Variants in CMC1 observed in about 807,000 individuals in gnomAD.
CMC1 encodes the protein COX assembly mitochondrial protein homolog.
A neutral mutation model predicts 14.1 loss-of-function variants in CMC1; 14 were observed. The ratio of observed to expected loss-of-function variants is 0.99; its 90% CI spans 0.66 to 1.55. The LOEUF (loss-of-function observed/expected upper bound fraction) is 1.55. Ranked by LOEUF, CMC1 falls within the 40% of genes most tolerant of loss-of-function variation. CMC1 has a pLI of 0.00. For synonymous variants in CMC1, 50 were observed against 38.4 expected (o/e 1.30, Z -1.12); for missense variants, 127 against 123.8 (o/e 1.03, Z -0.12).
chr3:28,311,279 A>AT (rs1702627715), intron 2 of CMC1, among the ~76,000 whole-genome samples: 1 of 152,124 alleles, frequency 6.6e-6, no homozygotes, highest in Admixed American at 6.5e-5. Flanking sequence ...CCAGTCTGGA[A>AT]TTAAGTTATA....
intron 2 of CMC1, among the ~76,000 whole-genome samples, chr3:28,298,970 T>G (rs1385286801): frequency 1.3e-5 from 2 of 152,084 alleles, no homozygotes; most frequent in Non-Finnish European, 2.9e-5. Flanking sequence ...TATCTGTGCC[T>G]GAAACAAGCC....
chr3:28,265,310 A>G lies in CMC1; in HGVS notation c.109+1930A>G, dbSNP rs188381096. Among the ~76,000 whole-genome samples the G allele has an allele frequency of 9.9e-4, 150 of 152,254 alleles. 1 individual carries two copies. The highest frequency in any genetic ancestry group is 6.9e-3 in the Middle Eastern group (2 of 290). On this transcript the variant is annotated intron_variant, in intron 2 of 3. Transcript: ENST00000466830. ...TAGAATCTAAAATTGATAAGAGAATAAGAAGTCTTTAGTATTTTCTAACCA... is the reference window on the plus strand; with the variant it reads ...TAGAATCTAAAATTGATAAGAGAATGAGAAGTCTTTAGTATTTTCTAACCA...
At chr3:28,290,189 T>C (rs1286461554) in intron 2 of CMC1, among the ~76,000 whole-genome samples, 4 of 152,184 alleles carry the variant, frequency 2.6e-5, no homozygotes, top group Admixed American at 6.5e-5. Context: ...ATAATACTTA[T>C]ATTCTTGTCT....
rs546549882 is a variant in CMC1 at position 28,323,120 on chromosome 3, T to C, written c.*3491T>C. ...TAAATCACTTTCTCAATAAATAGAA[T>C]ATTACATTTCAACACAAAGTCTAAC... is the stretch of plus-strand genomic sequence containing the variant. On this transcript the variant is annotated 3_prime_UTR_variant, in exon 4 of 4. Coordinates refer to ENST00000466830, the MANE Select transcript of CMC1 (RefSeq NM_182523.2). 20 of 151,228 alleles carry C rather than the reference T, an allele frequency of 1.3e-4. No individual in the cohort carries two copies. The highest frequency in any genetic ancestry group is 4.8e-4 in the African/African-American group (20 of 41,412). 9.4% of individuals were successfully genotyped at this position (151,228 alleles called of 1,614,324 possible).
intron 2 of CMC1, among the ~76,000 whole-genome samples, chr3:28,279,336 C>T (rs1382428706): frequency 6.6e-6 from 1 of 152,066 alleles, no homozygotes; most frequent in Non-Finnish European, 1.5e-5. Context: ...ATTAAATTGC[C>T]TGCTTAAATG....
At chr3:28,272,149 T>C (rs1022857489) in intron 2 of CMC1, among the ~76,000 whole-genome samples, 2 of 152,308 alleles carry the variant, frequency 1.3e-5, no homozygotes, top group Non-Finnish European at 2.9e-5. Context: ...TTTCTAGATA[T>C]AGGATCATGT....
rs1177112837 is a variant in CMC1 at position 28,324,331 on chromosome 3, T to A, written c.*4702T>A. 1 of 1,604,764 alleles carries A rather than the reference T, an allele frequency of 6.2e-7. No homozygotes were observed. On this transcript the variant is annotated 3_prime_UTR_variant, in exon 4 of 4. Coordinates refer to ENST00000466830, the MANE Select transcript of CMC1 (RefSeq NM_182523.2). ...TCCTGGTAAAGGGGAAGATGTGGTATGACAAAGAGCTTTGCCATTTGGTAA... is the reference window on the plus strand; with the variant it reads ...TCCTGGTAAAGGGGAAGATGTGGTAAGACAAAGAGCTTTGCCATTTGGTAA...
chr3:28,288,994 C>T (rs1286878943), intron 2 of CMC1, among the ~76,000 whole-genome samples: 2 of 151,488 alleles, frequency 1.3e-5, no homozygotes, highest in Non-Finnish European at 1.5e-5. Flanking sequence ...AAGACCATCT[C>T]AGAGGTTTAA....
At chr3:28,259,472 C>G (rs185739105) in intron 1 of CMC1, among the ~76,000 whole-genome samples, 1 of 152,132 alleles carries the variant, frequency 6.6e-6, no homozygotes, top group East Asian at 1.9e-4. Flanking sequence ...GGGACAGGCT[C>G]CTATAATTAA....
At chr3:28,261,787 A>C (rs955743000) in intron 1 of CMC1, among the ~76,000 whole-genome samples, 6 of 152,164 alleles carry the variant, frequency 3.9e-5, no homozygotes, top group Non-Finnish European at 8.8e-5. Flanking sequence ...TGCATTCTCA[A>C]GTCCCACCAT....
At chr3:28,273,963 A>C (rs543252038) in intron 2 of CMC1, among the ~76,000 whole-genome samples, 1 of 151,956 alleles carries the variant, frequency 6.6e-6, no homozygotes, top group African/African-American at 2.4e-5. Flanking sequence ...CCATTCCTCT[A>C]TTTTGAGCCT....
At chr3:28,286,024 C>T (rs952822590) in intron 2 of CMC1, among the ~76,000 whole-genome samples, 1 of 152,120 alleles carries the variant, frequency 6.6e-6, no homozygotes, top group Non-Finnish European at 1.5e-5. Context: ...CTCGGCCTCC[C>T]AAAGTGCTGG....
At chr3:28,296,284 T>C (rs1052019333) in intron 2 of CMC1, among the ~76,000 whole-genome samples, 6 of 152,200 alleles carry the variant, frequency 3.9e-5, no homozygotes, top group African/African-American at 1.4e-4. Context: ...ACCAGATGAC[T>C]TAGGAAATAA....
intron 2 of CMC1, among the ~76,000 whole-genome samples, chr3:28,268,539 G>A (rs1700120523): frequency 6.6e-6 from 1 of 152,156 alleles, no homozygotes; most frequent in Admixed American, 6.5e-5. Flanking sequence ...CAGAAGGAAA[G>A]CAGGTGTTCA....
chr3:28,316,539 T>C (rs2125614180), intron 3 of CMC1, 116 bp downstream of exon 3: 1 of 461,798 alleles, frequency 2.2e-6, no homozygotes, highest in Non-Finnish European at 3.8e-6. Context: ...ATTTATCATA[T>C]TGTTGGCTGA....
rs1203987903 is a variant in CMC1 at position 28,322,142 on chromosome 3, T to C, written c.*2513T>C. ...AATCTTTCCTTACTAAAGAACCTTA[T>C]ACATCATTTGTCTAACACTTTAAAC... On this transcript the variant is annotated 3_prime_UTR_variant, in exon 4 of 4. Transcript: ENST00000466830. 1 of 151,286 alleles carries C rather than the reference T, an allele frequency of 6.6e-6. No individual in the cohort carries two copies. Among genetic ancestry groups the C allele is most frequent in the Non-Finnish European group, 1.5e-5 (1 of 67,444 alleles). The allele number at this position is 151,286 out of a possible 1,614,324, so 9.4% of individuals were successfully genotyped here. A position where few individuals can be genotyped will look rare whatever the true frequency, so the allele number is the denominator to read the frequency against.
At chr3:28,271,922 T>C (rs1488599066) in intron 2 of CMC1, among the ~76,000 whole-genome samples, 1 of 152,216 alleles carries the variant, frequency 6.6e-6, no homozygotes, top group Non-Finnish European at 1.5e-5. Context: ...GTAGTTCTCC[T>C]TGAAGAGGTC....
chr3:28,269,041 TACAA>T (rs1227396071), intron 2 of CMC1, among the ~76,000 whole-genome samples: 1 of 152,238 alleles, frequency 6.6e-6, no homozygotes, highest in African/African-American at 2.4e-5. Context: ...CTTTTATTGT[TACAA>T]ACATTCTATT....
intron 1 of CMC1, among the ~76,000 whole-genome samples, chr3:28,256,038 G>T (rs113801364): frequency 2.6e-5 from 4 of 152,120 alleles, no homozygotes. Context: ...CTTTGTGCCT[G>T]TGTGTCTTAC....
Sources: allele counts gnomAD v4.1 joint callset (sites outside exome capture counted in the v4.1 genomes callset), GRCh38; gene constraint gnomAD v4.1.1; transcripts MANE v1.5; gene names NCBI Gene and HGNC (gene_info 2026-07-23, HGNC 2026-07-21).